The following PDE7A variants were observed in gnomAD, a reference collection of about 807,000 sequenced individuals.
PDE7A encodes the protein high affinity 3',5'-cyclic-AMP phosphodiesterase 7A.
Under a neutral mutation model 64.3 loss-of-function variants are expected in PDE7A, and 39 were observed. The ratio of observed to expected loss-of-function variants is 0.61; its 90% CI spans 0.47 to 0.79. PDE7A has a LOEUF of 0.79. Among genes scored for constraint, PDE7A ranks in the 30% least tolerant of loss-of-function variants. The pLI is 0.00. For missense variants in PDE7A, 470 were observed against 582.8 expected (o/e 0.81, Z 1.99); for synonymous variants, 203 against 206.8 (o/e 0.98, Z 0.16).
intron 1 of PDE7A, among the ~76,000 whole-genome samples, chr8:65,789,577 A>G (rs1809645498): frequency 6.6e-6 from 1 of 152,230 alleles, no homozygotes; most frequent in Non-Finnish European, 1.5e-5. Flanking sequence ...AAAAAAAGCC[A>G]GTCTAATAGT....
chr8:65,762,776 T>C (rs773239111), intron 3 of PDE7A, among the ~76,000 whole-genome samples: 6 of 152,136 alleles, frequency 3.9e-5, no homozygotes, highest in Non-Finnish European at 7.3e-5. Flanking sequence ...TGAAAACTAA[T>C]GTGCTAGAGA....
At chr8:65,793,565 C>G (rs1009569083) in intron 1 of PDE7A, among the ~76,000 whole-genome samples, 3 of 150,510 alleles carry the variant, frequency 2.0e-5, no homozygotes, top group Non-Finnish European at 4.4e-5. Flanking sequence ...GCAATGAGAT[C>G]AGGTACGTTT....
In PDE7A at chr8:65,788,447, G is replaced by A. The variant is rs966415325; in HGVS notation, c.139-5604C>T. On this transcript the variant is annotated intron_variant, in intron 1 of 12. Coordinates refer to ENST00000401827, the MANE Select transcript of PDE7A (RefSeq NM_001242318.3). ...GACCTTAGGAGAAAACATGATAGAC[G>A]GTGGTTTTTCGTTTTTAAAAAGTTT... Among the ~76,000 whole-genome samples the A allele has an allele frequency of 6.6e-5, 10 of 152,062 alleles. No individual in the cohort carries two copies. In the South Asian group the frequency reaches 1.0e-3, roughly 16 times the overall value.
At chr8:65,825,245 C>A (rs1276427946) in intron 1 of PDE7A, among the ~76,000 whole-genome samples, 1 of 152,058 alleles carries the variant, frequency 6.6e-6, no homozygotes, top group Non-Finnish European at 1.5e-5. Flanking sequence ...AACAAGCATA[C>A]ATTAACTTTA....
intron 1 of PDE7A, among the ~76,000 whole-genome samples, chr8:65,840,290 T>C (rs781451766): frequency 1.2e-4 from 19 of 152,148 alleles, no homozygotes; most frequent in Admixed American, 8.5e-4. Flanking sequence ...GACCCAAATA[T>C]AGGCTCTTGC....
intron 1 of PDE7A, among the ~76,000 whole-genome samples, chr8:65,822,121 A>G (rs1441361099): frequency 6.6e-6 from 1 of 152,202 alleles, no homozygotes; most frequent in Non-Finnish European, 1.5e-5. Context: ...TCATCCTGCT[A>G]CTCAACAGGG....
At chr8:65,734,521 T>C (rs898148969) in intron 7 of PDE7A, among the ~76,000 whole-genome samples, 1 of 152,178 alleles carries the variant, frequency 6.6e-6, no homozygotes, top group Non-Finnish European at 1.5e-5. Flanking sequence ...ATGGAGCCCA[T>C]GTGGAGCTCA....
chr8:65,800,554 C>G lies in PDE7A; in HGVS notation c.139-17711G>C, dbSNP rs1023474978. ...GGCCAGGATTTGAGCATTTAGCTGC[C>G]TGTCCTCCCTGCTTAGCACTCTGCA... is the stretch of plus-strand genomic sequence containing the variant. On this transcript the variant is annotated intron_variant, in intron 1 of 12. Transcript: ENST00000401827. 8.7e-4 allele frequency among the ~76,000 whole-genome samples: 133 copies of G among 152,332 alleles called. 4 individuals carry two copies. Among genetic ancestry groups the G allele is most frequent in the Non-Finnish European group, 7.3e-5 (5 of 68,036 alleles).
chr8:65,735,963 C>G (rs1807112457), intron 6 of PDE7A, among the ~76,000 whole-genome samples: 1 of 151,898 alleles, frequency 6.6e-6, no homozygotes, highest in Non-Finnish European at 1.5e-5. Flanking sequence ...TATAGTAGTC[C>G]CCTCATATTC....
intron 1 of PDE7A, among the ~76,000 whole-genome samples, chr8:65,841,136 G>T (rs942538730): frequency 1.2e-4 from 19 of 152,210 alleles, no homozygotes; most frequent in African/African-American, 4.3e-4. Context: ...GCCTGGGGAG[G>T]GTCTGATGAG....
At chr8:65,795,264 C>T (rs776116427) in intron 1 of PDE7A, among the ~76,000 whole-genome samples, 14 of 152,216 alleles carry the variant, frequency 9.2e-5, no homozygotes, top group Non-Finnish European at 1.3e-4. Context: ...CAGGCTCCTT[C>T]CTATAGGCAG....
rs1808745418 is a variant in PDE7A at position 65,765,678 on chromosome 8, C to T, written c.283+14042G>A. The T allele has an allele frequency of 4.6e-5, 7 of 152,042 alleles. No individual in the cohort carries two copies. The South Asian group carries it at 6.2e-4, about 14-fold the overall frequency. The allele number at this position is 152,042 out of a possible 1,614,324, so 9.4% of individuals were successfully genotyped here. On this transcript the variant is annotated intron_variant, in intron 3 of 12. Transcript: ENST00000401827. ...GCTGGATGTTGGCAGAGAGACCAGG[C>T]CCTCCAGTCTGGATGACGTCAATGA...
chr8:65,750,594 C>T (rs981901165), intron 3 of PDE7A, among the ~76,000 whole-genome samples: 3 of 151,736 alleles, frequency 2.0e-5, no homozygotes, highest in Non-Finnish European at 4.4e-5. Context: ...ATGAATTAGC[C>T]TCATTTGAGA....
At chr8:65,798,352 G>A (rs1029680455) in intron 1 of PDE7A, among the ~76,000 whole-genome samples, 2 of 151,644 alleles carry the variant, frequency 1.3e-5, no homozygotes, top group African/African-American at 4.9e-5. Context: ...TAGGACTAAA[G>A]ACATGCACCA....
chr8:65,735,294 C>G (rs749476502), intron 6 of PDE7A, among the ~76,000 whole-genome samples: 10 of 152,106 alleles, frequency 6.6e-5, no homozygotes, highest in Non-Finnish European at 1.2e-4. Context: ...TTTAAAATAG[C>G]CTTTCAGTAC....
At chr8:65,769,408 T>A (rs1808965121) in intron 3 of PDE7A, among the ~76,000 whole-genome samples, 1 of 152,190 alleles carries the variant, frequency 6.6e-6, no homozygotes, top group Non-Finnish European at 1.5e-5. Flanking sequence ...GCTGCCAAAC[T>A]AACCCTGAGA....
chr8:65,796,077 C>G (rs1331373777), intron 1 of PDE7A, among the ~76,000 whole-genome samples: 1 of 151,056 alleles, frequency 6.6e-6, no homozygotes, highest in African/African-American at 2.4e-5. Flanking sequence ...AATTACCTAA[C>G]CTGATGCACA....
chr8:65,734,025 AT>A (rs1807020136), intron 7 of PDE7A, among the ~76,000 whole-genome samples: 1 of 152,212 alleles, frequency 6.6e-6, no homozygotes, highest in Non-Finnish European at 1.5e-5. Flanking sequence ...AAATCCATAC[AT>A]TAAGTCTGAT....
chr8:65,803,021 GA>G (rs1459076504), intron 1 of PDE7A, among the ~76,000 whole-genome samples: 1 of 152,146 alleles, frequency 6.6e-6, no homozygotes, highest in Non-Finnish European at 1.5e-5. Context: ...TGCCATGATT[GA>G]AAGCTCCCTG....
Sources: allele counts gnomAD v4.1 joint callset (sites outside exome capture counted in the v4.1 genomes callset), GRCh38; gene constraint gnomAD v4.1.1; transcripts MANE v1.5; gene names NCBI Gene and HGNC (gene_info 2026-07-23, HGNC 2026-07-21).